ZSCAN18: variants seen among roughly 807,000 people sequenced by gnomAD.
ZSCAN18 encodes the protein zinc finger and SCAN domain containing 18, also known as zinc finger and SCAN domain-containing protein 18.
ZSCAN18 carries 16 observed loss-of-function variants against 31.1 expected under a neutral mutation model. That is an observed-to-expected ratio of 0.51 (90% confidence interval 0.35 to 0.78). ZSCAN18 has a LOEUF of 0.78. Among genes scored for constraint, ZSCAN18 ranks in the 30% least tolerant of loss-of-function variants. The pLI, the probability that ZSCAN18 is intolerant of heterozygous loss-of-function variation, is 0.01. For missense variants in ZSCAN18, 731 were observed against 697.4 expected (o/e 1.05, Z -0.54); for synonymous variants, 375 against 320.7 (o/e 1.17, Z -1.81).
chr19:58,099,468 T>C (rs1019489), upstream of ZSCAN18, among the ~76,000 whole-genome samples: 85,388 of 152,078 alleles, frequency 0.56, 25,898 homozygotes, highest in Non-Finnish European at 0.68. Context: ...TTCTATGGTA[T>C]ATAGCAGTTT....
At chr19:58,100,225 G>T (rs7250711), upstream of ZSCAN18, among the ~76,000 whole-genome samples, 85,203 of 151,820 alleles carry the variant, frequency 0.56, 25,830 homozygotes, top group Non-Finnish European at 0.68. Context: ...AAAGTGCTGG[G>T]ATTACAGGCA....
At chr19:58,113,130 ACG>A (rs1482654406) in intron 1 of ZSCAN18, among the ~76,000 whole-genome samples, 6 of 150,808 alleles carry the variant, frequency 4.0e-5, no homozygotes, top group Non-Finnish European at 7.4e-5. Flanking sequence ...CCTGGCTAAC[ACG>A]GTGAAACCCC....
chr19:58,100,441 C>A (rs1352046583), upstream of ZSCAN18, among the ~76,000 whole-genome samples: 1 of 152,160 alleles, frequency 6.6e-6, no homozygotes, highest in Non-Finnish European at 1.5e-5. Flanking sequence ...AGGGTCCATA[C>A]CTTCTTTAAG....
intron 1 of ZSCAN18, among the ~76,000 whole-genome samples, chr19:58,115,800 T>C (rs189080053): frequency 5.9e-5 from 9 of 152,308 alleles, no homozygotes; most frequent in Admixed American, 5.9e-4. Flanking sequence ...TTTGTTACAG[T>C]TAGTATGCAT....
At position 58,088,931 on chromosome 19, in the gene ZSCAN18, G is replaced by A. The variant is rs967410800; in HGVS notation, c.404-94C>T. ...AACCACAGGGACCTGCAGGCTCCAG[G>A]GCCACATCACTACCCATCCTGCACC... On this transcript the variant is annotated intron_variant, in intron 2 of 6. Transcript: ENST00000601144. 4.7e-6 allele frequency: 6 copies of A among 1,266,542 alleles called. No individual in the cohort carries two copies. In the Admixed American group the frequency reaches 6.6e-5, roughly 14 times the overall value. 78.5% of individuals were successfully genotyped at this position (1,266,542 alleles called of 1,614,324 possible).
intron 1 of ZSCAN18, among the ~76,000 whole-genome samples, chr19:58,096,795 G>C (rs996548463): frequency 6.6e-5 from 10 of 152,170 alleles, no homozygotes; most frequent in Non-Finnish European, 1.5e-4. Flanking sequence ...TTCATCCACA[G>C]ATCACTTACT....
upstream of ZSCAN18, chr19:58,098,412 G>C: frequency 1.0e-6 from 1 of 981,988 alleles, no homozygotes; most frequent in Non-Finnish European, 1.2e-6. Context: ...GCGTCATTTT[G>C]GGCACCATGG....
intron 4 of ZSCAN18, 134 bp from the exon 5 acceptor site, chr19:58,087,142 C>A: frequency 2.0e-6 from 2 of 984,010 alleles, no homozygotes; most frequent in South Asian, 1.6e-5. Context: ...CTGCAGGAGG[C>A]AGCCCCCTTC....
intron 1 of ZSCAN18, among the ~76,000 whole-genome samples, chr19:58,094,844 T>C (rs970496462): frequency 1.7e-5 from 2 of 120,208 alleles, no homozygotes; most frequent in Admixed American, 1.2e-4. Context: ...CAACACCACA[T>C]TGCAGCCTGG....
At chr19:58,107,942 A>G in intron 1 of ZSCAN18, 1 of 1,073,620 alleles carries the variant, frequency 9.3e-7, no homozygotes, top group Non-Finnish European at 1.1e-6. Context: ...TCTCACCAGT[A>G]TGAGTCCTCT....
In ZSCAN18 at chr19:58,090,183, C is replaced by T; in HGVS notation, c.85G>A (p.Val29Ile). ...DLPTPGSAAG[V>I]QQEEPETIPE... Reference sequence around the variant, plus strand: ...ATGGTCTCGGGTTCTTCCTGCTGGACTCCGGCTGCTGACCCCGGCGTGGGC... The same window carrying T: ...ATGGTCTCGGGTTCTTCCTGCTGGATTCCGGCTGCTGACCCCGGCGTGGGC... The change falls in exon 2 of 7, where the codon GTC becomes ATC. Residue 29 changes from valine (V) to isoleucine (I), a missense_variant. By Grantham distance (29) the Val-to-Ile change is conservative. Around this residue, in one of 4 missense-constraint regions of ZSCAN18, gnomAD observed 86 missense variants for 119.1 expected, o/e 0.72. Transcript: ENST00000601144. The surrounding 1 kb of genome is among the most constrained non-coding windows in gnomAD (Gnocchi z 4.7). 1.2e-6 allele frequency: 2 copies of T among 1,613,734 alleles called. No individual in the cohort carries two copies. Among genetic ancestry groups the T allele is most frequent in the Non-Finnish European group, 1.7e-6 (2 of 1,179,994 alleles).
chr19:58,086,258 G>A lies in ZSCAN18; in HGVS notation c.754C>T (p.Leu252Phe). 6.2e-7 allele frequency: 1 copy of A among 1,613,822 alleles called. No individual in the cohort carries two copies. The highest frequency in any genetic ancestry group is 2.2e-5 in the East Asian group (1 of 44,868). Residue 252 changes from leucine (L) to phenylalanine (F), a missense_variant, in exon 6 of 7, where the codon CTT (leucine) becomes TTT (phenylalanine). Coordinates refer to ENST00000601144, the MANE Select transcript of ZSCAN18 (RefSeq NM_001145543.2). Reference protein sequence around the residue: ...YRKLLLWGYQLSQPDAASRLD... With the variant: ...YRKLLLWGYQFSQPDAASRLD... ...CTGGAGGCAGCGTCAGGCTGGGAAA[G>A]CTGATACCCTGAGTGGGGTTAAAAA...
Position 58,090,727 on chromosome 19 carries a change from T to G in ZSCAN18, c.-119-341A>C. ...GCCTCAGTCTCTCCAGTAGCTGGAA[T>G]TACAAGCATGCACCACCACACCCAG... On this transcript the variant is annotated intron_variant, in intron 1 of 6. Coordinates refer to ENST00000601144, the MANE Select transcript of ZSCAN18 (RefSeq NM_001145543.2). This position sits in a 1 kb window ranked among gnomAD's most constrained non-coding sequence, Gnocchi z 4.7. The G allele has an allele frequency of 5.5e-6, 1 of 182,838 alleles. No homozygotes were observed. The highest frequency in any genetic ancestry group is 1.7e-4 in the South Asian group (1 of 5,922). The allele number at this position is 182,838 out of a possible 1,614,324, so 11.3% of individuals were successfully genotyped here. A position where few individuals can be genotyped will look rare whatever the true frequency, so the allele number is the denominator to read the frequency against.
At chr19:58,113,774 T>G (rs1475220249) in intron 1 of ZSCAN18, among the ~76,000 whole-genome samples, 1 of 151,972 alleles carries the variant, frequency 6.6e-6, no homozygotes, top group Non-Finnish European at 1.5e-5. Context: ...AGGTCAGGAG[T>G]TCGAGACCAG....
At chr19:58,091,447 G>A (rs572602365) in intron 1 of ZSCAN18, among the ~76,000 whole-genome samples, 19 of 147,766 alleles carry the variant, frequency 1.3e-4, no homozygotes, top group South Asian at 4.3e-4. Context: ...CCACCTCCCC[G>A]TTTCTGGAAA....
chr19:58,111,753 G>T (rs1340246307), intron 1 of ZSCAN18, among the ~76,000 whole-genome samples: 1 of 150,474 alleles, frequency 6.6e-6, no homozygotes, highest in Non-Finnish European at 1.5e-5. Context: ...ATCCTATGAG[G>T]CTAGCATTAC....
At chr19:58,086,051 G>A (rs770364082) in intron 6 of ZSCAN18, 123 bp downstream of exon 6, 24 of 739,980 alleles carry the variant, frequency 3.2e-5, no homozygotes, top group Non-Finnish European at 5.3e-5. Context: ...GGTGGTGGGA[G>A]AATGGTGAAG....
intron 1 of ZSCAN18, chr19:58,108,193 G>A: frequency 1.0e-6 from 1 of 985,828 alleles, no homozygotes; most frequent in African/African-American, 1.7e-5. Flanking sequence ...TTTCCAATGT[G>A]AATTCTCCCA....
chr19:58,112,950 C>CAAAAAAAAAA (rs55721042), intron 1 of ZSCAN18, among the ~76,000 whole-genome samples: 2 of 69,476 alleles, frequency 2.9e-5, no homozygotes, highest in Non-Finnish European at 5.1e-5. Context: ...GGCTCCGTTT[C>CAAAAAAAAAA]AAAAAAAAAA....
Sources: allele counts gnomAD v4.1 joint callset (sites outside exome capture counted in the v4.1 genomes callset), GRCh38; gene constraint gnomAD v4.1.1; regional missense constraint gnomAD v4.1.1; non-coding constraint Gnocchi (gnomAD v3.1); transcripts MANE v1.5; gene names NCBI Gene and HGNC (gene_info 2026-07-23, HGNC 2026-07-21).